The following GABBR1 variants were observed in gnomAD, a reference collection of about 807,000 sequenced individuals.
The protein encoded by GABBR1 is gamma-aminobutyric acid type B receptor subunit 1.
In GABBR1, 35 loss-of-function variants were observed where a neutral mutation model predicts 117.7. The observed-to-expected ratio is 0.30, with a 90% CI of 0.23 to 0.39. GABBR1 has a LOEUF of 0.39. Among genes scored for constraint, GABBR1 ranks in the 10% least tolerant of loss-of-function variants. The pLI is 1.00. For synonymous variants in GABBR1, 442 were observed against 486.6 expected, an observed-to-expected ratio of 0.91 and a Z score of 1.21; for missense variants, 709 against 1,241.8, an observed-to-expected ratio of 0.57 and a Z score of 6.45.
rs6919973 is a variant in GABBR1, at chr6:29,620,097, C to A, written c.1323+1004G>T. On this transcript the variant is annotated intron_variant, in intron 11 of 22. Coordinates refer to ENST00000377034, the MANE Select transcript of GABBR1 (RefSeq NM_001470.4). This position sits in a 1 kb window ranked among gnomAD's most constrained non-coding sequence, Gnocchi z 4.5. The stretch of plus-strand genomic sequence containing the variant: ...AAGTGATGAGCAGAGCAGTTTGGAG[C>A]CAGATTTAACTAGGATTCAATTCCA... 6.6e-6 allele frequency among the ~76,000 whole-genome samples: 1 copy of A among 152,106 alleles called. No homozygotes were observed. Among genetic ancestry groups the A allele is most frequent in the African/African-American group, 2.4e-5 (1 of 41,406 alleles).
chr6:29,630,341 A>G lies in GABBR1; in HGVS notation c.475+117T>C, dbSNP rs1361978236. On this transcript the variant is annotated intron_variant, in intron 4 of 22. Transcript: ENST00000377034. This position sits in a 1 kb window ranked among gnomAD's most constrained non-coding sequence, Gnocchi z 4.9. ...AAAGGGACTTTCATCTCCCCTTTCCAGTGTCCTCCCCCACATTTTTATAGC... is the reference window on the plus strand; with the variant it reads ...AAAGGGACTTTCATCTCCCCTTTCCGGTGTCCTCCCCCACATTTTTATAGC... The G allele has an allele frequency of 6.5e-6, 6 of 919,732 alleles. No individual in the cohort carries two copies. The highest frequency in any genetic ancestry group is 9.9e-6 in the Non-Finnish European group (6 of 605,780). 57.0% of individuals were successfully genotyped at this position (919,732 alleles called of 1,614,324 possible). A position where few individuals can be genotyped will look rare whatever the true frequency, so the allele number is the denominator to read the frequency against.
chr6:29,616,072 A>T (rs1763066947), intron 11 of GABBR1, among the ~76,000 whole-genome samples: 2 of 152,116 alleles, frequency 1.3e-5, no homozygotes. Context: ...GTGGTGGCGC[A>T]TGCCTGTAAT....
chr6:29,627,472 A>AC lies in GABBR1; in HGVS notation c.657+13_657+14insG. 8.3e-6 allele frequency: 3 copies of AC among 362,976 alleles called. No individual in the cohort carries two copies. The highest frequency in any genetic ancestry group is 1.4e-5 in the Non-Finnish European group (3 of 214,436). The allele number at this position is 362,976 out of a possible 1,614,324, so 22.5% of individuals were successfully genotyped here. On this transcript the variant is annotated intron_variant, in intron 6 of 22. Coordinates refer to ENST00000377034, the MANE Select transcript of GABBR1 (RefSeq NM_001470.4). This position sits in a 1 kb window ranked among gnomAD's most constrained non-coding sequence, Gnocchi z 4.4. ...AAGCCCCCACCTCCCACCCACCCCCATGTCCAGGGCTACCTTGCTGTCGTG... is the reference window on the plus strand; with the variant it reads ...AAGCCCCCACCTCCCACCCACCCCCACTGTCCAGGGCTACCTTGCTGTCGTG...
At chr6:29,629,350 G>T (rs1764724378) in intron 4 of GABBR1, 1 of 664,496 alleles carries the variant, frequency 1.5e-6, no homozygotes, top group East Asian at 2.7e-5. Context: ...AATGCCAATA[G>T]CTAAGTTTGG....
intron 11 of GABBR1, among the ~76,000 whole-genome samples, chr6:29,616,734 C>T (rs1763149649): frequency 6.6e-6 from 1 of 151,258 alleles, no homozygotes. Flanking sequence ...GTCTGTGATC[C>T]CAGCTTACTT....
intron 12 of GABBR1, 124 bp from the exon 13 acceptor site, chr6:29,612,738 G>A: frequency 2.3e-6 from 2 of 860,166 alleles, no homozygotes; most frequent in Non-Finnish European, 2.0e-6. Context: ...TGCTATTTAT[G>A]GCATTTGCCT....
At position 29,609,406 on chromosome 6, in the gene GABBR1, G is replaced by T. The variant is rs370629859; in HGVS notation, c.1709-27C>A. On this transcript the variant is annotated intron_variant, in intron 14 of 22. Transcript: ENST00000377034. The surrounding 1 kb of genome is among the most constrained non-coding windows in gnomAD (Gnocchi z 4.3). ...TGCATGGCACAGGGGAGGAAGAGGG[G>T]AAGGGAAAAGAGAAGGGAAGGAGGA... The T allele has an allele frequency of 3.5e-5, 56 of 1,606,962 alleles. No individual in the cohort carries two copies. Among genetic ancestry groups the T allele is most frequent in the Non-Finnish European group, 4.7e-5 (55 of 1,175,148 alleles).
In GABBR1 at chr6:29,605,589, T is replaced by G. The variant is rs1761860482; in HGVS notation, c.2419A>C (p.Met807Leu). Residue 807 changes from methionine (M) to leucine (L), a missense_variant, in exon 20 of 23, where the codon ATG (methionine) becomes CTG (leucine). This residue lies in a region of GABBR1 where 251 missense variants were observed against 445.3 expected (regional missense o/e 0.56). Coordinates refer to ENST00000377034, the MANE Select transcript of GABBR1 (RefSeq NM_001470.4). The surrounding 1 kb of genome is among the most constrained non-coding windows in gnomAD (Gnocchi z 4.2). ...CTCACTGCCACATTGTAGATAGCCA[T>G]GCCCACAGCCCGGTGATCATTGATC... ...EKINDHRAVG[M>L]AIYNVAVLCL... is the part of the protein sequence containing the mutation. 3 of 1,613,132 alleles carry G rather than the reference T, an allele frequency of 1.9e-6. No individual in the cohort carries two copies. Among genetic ancestry groups the G allele is most frequent in the Non-Finnish European group, 2.5e-6 (3 of 1,180,030 alleles).
At chr6:29,615,609 T>TAAAAAA (rs28751302) in intron 11 of GABBR1, among the ~76,000 whole-genome samples, 38 of 121,406 alleles carry the variant, frequency 3.1e-4, no homozygotes, top group South Asian at 1.0e-3. Context: ...ACTCTGCCTT[T>TAAAAAA]AAAAAAAAAA....
Position 29,630,543 on chromosome 6 carries a change from C to A in GABBR1, c.390G>T (p.Arg130=). The change falls in exon 4 of 23, where the codon CGG becomes CGT. Residue 130 remains arginine (R), a synonymous_variant. Coordinates refer to ENST00000377034, the MANE Select transcript of GABBR1 (RefSeq NM_001470.4). The surrounding 1 kb of genome is among the most constrained non-coding windows in gnomAD (Gnocchi z 4.9). The part of the protein sequence containing the change: ...PALDGARVDF[R]CDPDFHLVGS... ...CCACCAGATGGAAGTCGGGGTCACACCGGAAATCCACCCGGGCTCCGTCCA... is the reference window on the plus strand; with the variant it reads ...CCACCAGATGGAAGTCGGGGTCACAACGGAAATCCACCCGGGCTCCGTCCA... 1 of 1,613,074 alleles carries A rather than the reference C, an allele frequency of 6.2e-7. No homozygotes were observed. Among genetic ancestry groups the A allele is most frequent in the Non-Finnish European group, 8.5e-7 (1 of 1,180,032 alleles).
chr6:29,622,422 C>T lies in GABBR1; in HGVS notation c.964-217G>A. On this transcript the variant is annotated intron_variant, in intron 8 of 22. Transcript: ENST00000377034. This position sits in a 1 kb window ranked among gnomAD's most constrained non-coding sequence, Gnocchi z 4.6. Reference sequence around the variant, plus strand: ...CCAAGTGGGAAGGTGAATGGTGAGCCCCTGCTGAGGCTCTGTGTGGGGGAA... The same window carrying T: ...CCAAGTGGGAAGGTGAATGGTGAGCTCCTGCTGAGGCTCTGTGTGGGGGAA... 1.7e-6 allele frequency: 1 copy of T among 572,322 alleles called. No individual in the cohort carries two copies. The highest frequency in any genetic ancestry group is 3.1e-6 in the Non-Finnish European group (1 of 320,594). The allele number at this position is 572,322 out of a possible 1,614,324, so 35.5% of individuals were successfully genotyped here.
In GABBR1 at chr6:29,612,598, T is replaced by C; in HGVS notation, c.1583A>G (p.Asp528Gly). ...CCATGCCATCCGAGAGCCGCTGGCA[T>C]CAAACACCACATGGCCCTGAGGGAA... ...FEGVSGHVVF[D>G]ASGSRMAWTL... Residue 528 changes from aspartate to glycine, a missense_variant, in exon 13 of 23, where the codon GAT becomes GGT. By Grantham distance (94) the Asp-to-Gly change is moderately conservative. Transcript: ENST00000377034. The C allele has an allele frequency of 6.2e-7, 1 of 1,613,922 alleles. No homozygotes were observed. Among genetic ancestry groups the C allele is most frequent in the Non-Finnish European group, 8.5e-7 (1 of 1,179,984 alleles).
In GABBR1 at chr6:29,614,981, C is replaced by CAAA. The variant is rs202165362; in HGVS notation, c.1324-1499_1324-1497dup. Among the ~76,000 whole-genome samples, 579 of 80,346 alleles carry CAAA rather than the reference C, an allele frequency of 7.2e-3. 15 individuals are homozygous for CAAA. The highest frequency in any genetic ancestry group is 8.6e-3 in the Middle Eastern group (1 of 116). 52.7% of individuals were successfully genotyped at this position (80,346 alleles called of 152,430 possible). A position where few individuals can be genotyped will look rare whatever the true frequency, so the allele number is the denominator to read the frequency against. ...ATTCTGCTGGGAAACTAAAACTGCT[C>CAAA]AAAAAAAAAAAAAAAAAAAAAAGGC... On this transcript the variant is annotated intron_variant, in intron 11 of 22. Coordinates refer to ENST00000377034, the MANE Select transcript of GABBR1 (RefSeq NM_001470.4).
chr6:29,623,167 T>C lies in GABBR1; in HGVS notation c.963+138A>G, dbSNP rs950898453. On this transcript the variant is annotated intron_variant, in intron 8 of 22. Transcript: ENST00000377034. This position sits in a 1 kb window ranked among gnomAD's most constrained non-coding sequence, Gnocchi z 6.2. Reference sequence around the variant, plus strand: ...TCTTTCCCCTGGCTACAGAAAGAACTGCACTTAATCCACATGGAATGCGTT... The same window carrying C: ...TCTTTCCCCTGGCTACAGAAAGAACCGCACTTAATCCACATGGAATGCGTT... 2.8e-6 allele frequency: 2 copies of C among 721,346 alleles called. No individual in the cohort carries two copies. The highest frequency in any genetic ancestry group is 4.6e-6 in the Non-Finnish European group (2 of 439,478). The allele number at this position is 721,346 out of a possible 1,614,324, so 44.7% of individuals were successfully genotyped here. A position where few individuals can be genotyped will look rare whatever the true frequency, so the allele number is the denominator to read the frequency against.
chr6:29,613,420 G>A lies in GABBR1; in HGVS notation c.1389C>T (p.Gly463=), dbSNP rs759474210. The change falls in exon 12 of 23, where the codon GGC becomes GGT. Residue 463 remains glycine (G), a synonymous_variant. Coordinates refer to ENST00000377034, the MANE Select transcript of GABBR1 (RefSeq NM_001470.4). This position sits in a 1 kb window ranked among gnomAD's most constrained non-coding sequence, Gnocchi z 4.1. The stretch of plus-strand genomic sequence containing the variant: ...CATAGGCCAGCGGTGCCTCCTGGAA[G>A]CCTCCTGTCTCCTCAGGGTGTCTTT... The part of the protein sequence containing the change: ...RLKRHPEETG[G]FQEAPLAYDA... 3 of 1,613,110 alleles carry A rather than the reference G, an allele frequency of 1.9e-6. No homozygotes were observed. The highest frequency in any genetic ancestry group is 2.5e-6 in the Non-Finnish European group (3 of 1,180,028).
In GABBR1 at chr6:29,627,784, G is replaced by A; in HGVS notation, c.497-138C>T. On this transcript the variant is annotated intron_variant, in intron 5 of 22. Transcript: ENST00000377034. The surrounding 1 kb of genome is among the most constrained non-coding windows in gnomAD (Gnocchi z 4.4). ...CCCCACCCGGGCAAAAGGGGCCCCG[G>A]GCCCCATGGCGTGGGGGGCAGGGGT... The A allele has an allele frequency of 6.9e-7, 1 of 1,454,178 alleles. No homozygotes were observed. Among genetic ancestry groups the A allele is most frequent in the Non-Finnish European group, 9.0e-7 (1 of 1,110,076 alleles). The allele number at this position is 1,454,178 out of a possible 1,614,324, so 90.1% of individuals were successfully genotyped here. A position where few individuals can be genotyped will look rare whatever the true frequency, so the allele number is the denominator to read the frequency against.
In GABBR1 at chr6:29,630,146, T is replaced by C; in HGVS notation, c.475+312A>G. On this transcript the variant is annotated intron_variant, in intron 4 of 22. Coordinates refer to ENST00000377034, the MANE Select transcript of GABBR1 (RefSeq NM_001470.4). This position sits in a 1 kb window ranked among gnomAD's most constrained non-coding sequence, Gnocchi z 4.9. ...TTTAGAGAAAGGGAAAATTGGAGTA[T>C]TTAAACCTGAAGAAGGTGAGAGAGG... 3.0e-6 allele frequency: 1 copy of C among 338,142 alleles called. No homozygotes were observed. Among genetic ancestry groups the C allele is most frequent in the Non-Finnish European group, 5.4e-6 (1 of 186,678 alleles). The allele number at this position is 338,142 out of a possible 1,614,324, so 20.9% of individuals were successfully genotyped here. A position where few individuals can be genotyped will look rare whatever the true frequency, so the allele number is the denominator to read the frequency against.
Position 29,630,861 on chromosome 6 carries a change from C to T in GABBR1, c.290-218G>A, listed in dbSNP as rs1764892602. ...AAAAAAAAATTACCATTTTAGGAAC[C>T]CAAGATGGGGCTATAAGCACACAAA... On this transcript the variant is annotated intron_variant, in intron 3 of 22. Transcript: ENST00000377034. This position sits in a 1 kb window ranked among gnomAD's most constrained non-coding sequence, Gnocchi z 4.9. 6.6e-6 allele frequency among the ~76,000 whole-genome samples: 1 copy of T among 152,180 alleles called. No individual in the cohort carries two copies. Among genetic ancestry groups the T allele is most frequent in the Non-Finnish European group, 1.5e-5 (1 of 68,038 alleles).
rs1761951982 is a variant in GABBR1 at position 29,606,343 on chromosome 6, C to G, written c.2311+48G>C. On this transcript the variant is annotated intron_variant, in intron 19 of 22. Transcript: ENST00000377034. The surrounding 1 kb of genome is among the most constrained non-coding windows in gnomAD (Gnocchi z 4.5). ...TCCAAGCCCTCTACCCCTGCCTTCC[C>G]TCCTGCCTTTGTGCATCCCTGCCCT... The G allele has an allele frequency of 1.4e-6, 2 of 1,391,486 alleles. No homozygotes were observed. Among genetic ancestry groups the G allele is most frequent in the Non-Finnish European group, 2.0e-6 (2 of 977,894 alleles). 86.2% of individuals were successfully genotyped at this position (1,391,486 alleles called of 1,614,324 possible). A position where few individuals can be genotyped will look rare whatever the true frequency, so the allele number is the denominator to read the frequency against.
Sources: gnomAD v4.1 joint callset for allele counts (sites outside exome capture counted in the v4.1 genomes callset) on GRCh38, gnomAD v4.1.1 for gene constraint, gnomAD v4.1.1 regional missense constraint, Gnocchi (gnomAD v3.1) non-coding constraint, MANE v1.5 for transcripts, NCBI Gene and HGNC (gene_info 2026-07-23, HGNC 2026-07-21) for gene names.